The following PARG variants were observed in gnomAD, a reference collection of about 807,000 sequenced individuals.
PARG encodes mitochondrial poly(ADP-ribose) glycohydrolase.
A neutral mutation model predicts 113.0 loss-of-function variants in PARG; 35 were observed. The ratio of observed to expected loss-of-function variants is 0.31; its 90% CI spans 0.24 to 0.41. The LOEUF is 0.41. PARG is among the 10% of genes least tolerant of loss of function. The pLI, the probability that PARG is intolerant of heterozygous loss-of-function variation, is 1.00. For missense variants in PARG, 797 were observed against 1,169.4 expected (o/e 0.68, Z 4.64); for synonymous variants, 330 against 409.9 (o/e 0.81, Z 2.36).
intron 15 of PARG, among the ~76,000 whole-genome samples, chr10:49,840,825 T>C (rs546183234): frequency 1.6e-4 from 24 of 152,320 alleles, no homozygotes; most frequent in Non-Finnish European, 3.2e-4. Flanking sequence ...TGGCACACCA[T>C]GTATAGCCAT....
intron 7 of PARG, among the ~76,000 whole-genome samples, chr10:49,908,763 T>C (rs1360406755): frequency 1.3e-5 from 2 of 152,026 alleles, no homozygotes; most frequent in African/African-American, 2.4e-5. Context: ...TTCAGTGTTA[T>C]CAAAAAACCA....
At chr10:49,821,415 T>G (rs2132340806) in intron 16 of PARG, among the ~76,000 whole-genome samples, 1 of 152,346 alleles carries the variant, frequency 6.6e-6, no homozygotes, top group African/African-American at 2.4e-5. Context: ...AGTCTTGCTC[T>G]GTCACCCAGG....
At position 49,866,828 on chromosome 10, in the gene PARG, C is replaced by A. The variant is rs1310412129; in HGVS notation, c.2069-1447G>T. Among the ~76,000 whole-genome samples the A allele has an allele frequency of 2.6e-5, 4 of 152,172 alleles. No individual in the cohort carries two copies. The South Asian group carries it at 8.3e-4, about 32-fold the overall frequency. On this transcript the variant is annotated intron_variant, in intron 10 of 17. Coordinates refer to ENST00000616448, the MANE Select transcript of PARG (RefSeq NM_003631.5). ...ATCACAATATATACTATATACAGGTCATAAATTTTCAAAAACCTCATCTAT... is the reference window on the plus strand; with the variant it reads ...ATCACAATATATACTATATACAGGTAATAAATTTTCAAAAACCTCATCTAT...
In PARG at chr10:49,932,182, A is replaced by G. The variant is rs1554910005; in HGVS notation, c.1373T>C (p.Ile458Thr). 2.5e-6 allele frequency: 4 copies of G among 1,604,696 alleles called. No individual in the cohort carries two copies. Among genetic ancestry groups the G allele is most frequent in the Non-Finnish European group, 1.7e-6 (2 of 1,171,388 alleles). The change falls in exon 4 of 18, where the codon ATT becomes ACT. Residue 458 changes from isoleucine (I) to threonine (T), a missense_variant. Physicochemically the swap from Ile to Thr is moderately conservative, Grantham distance 89 (BLOSUM62 -1). This residue lies in a region of PARG where 252 missense variants were observed against 437.4 expected (regional missense o/e 0.58). Transcript: ENST00000616448. ...CCGAGGCATTCTTCTCATCTCCTCAATGGGAGTTCCAAGCCACTTCTTATC... is the reference window on the plus strand; with the variant it reads ...CCGAGGCATTCTTCTCATCTCCTCAGTGGGAGTTCCAAGCCACTTCTTATC... The part of the protein sequence containing the change: ...SPDKKWLGTP[I>T]EEMRRMPRCG...
chr10:49,846,746 ATGTGTG>A (rs35901101), intron 13 of PARG, among the ~76,000 whole-genome samples: 13 of 149,272 alleles, frequency 8.7e-5, no homozygotes, highest in East Asian at 4.0e-4. Context: ...ACAGTTGTAT[ATGTGTG>A]TGTGTGTGTG....
At chr10:49,922,191 T>C (rs782349012) in intron 6 of PARG, 145 bp downstream of exon 6, 6 of 751,994 alleles carry the variant, frequency 8.0e-6, no homozygotes, top group Non-Finnish European at 8.6e-6. Flanking sequence ...CCTAGTAGAA[T>C]GTCTCTAAGG....
chr10:49,910,425 T>C (rs1837108559), intron 7 of PARG, among the ~76,000 whole-genome samples: 1 of 152,210 alleles, frequency 6.6e-6, no homozygotes, highest in Non-Finnish European at 1.5e-5. Context: ...TTCTAAAGTC[T>C]AGGTTTTTCA....
intron 16 of PARG, among the ~76,000 whole-genome samples, chr10:49,831,442 G>A (rs1274635249): frequency 6.6e-6 from 1 of 152,078 alleles, no homozygotes; most frequent in African/African-American, 2.4e-5. Context: ...TTTCTGGTGT[G>A]CCATCTTGGG....
At chr10:49,937,610 T>C (rs1838818067) in intron 1 of PARG, among the ~76,000 whole-genome samples, 1 of 152,212 alleles carries the variant, frequency 6.6e-6, no homozygotes, top group Non-Finnish European at 1.5e-5. Flanking sequence ...ACTAGGTTCC[T>C]ATAACACACA....
At chr10:49,904,554 A>G (rs1480502538) in intron 7 of PARG, among the ~76,000 whole-genome samples, 2 of 151,846 alleles carry the variant, frequency 1.3e-5, no homozygotes, top group Non-Finnish European at 2.9e-5. Context: ...GAGGGTGTGC[A>G]TGCCTGGGAG....
intron 6 of PARG, among the ~76,000 whole-genome samples, chr10:49,922,046 CA>C (rs1334808084): frequency 6.6e-6 from 1 of 151,494 alleles, no homozygotes; most frequent in Non-Finnish European, 1.5e-5. Flanking sequence ...AATTTTAAAA[CA>C]AAAAAAAGAA....
intron 16 of PARG, among the ~76,000 whole-genome samples, chr10:49,820,911 C>G (rs1260256999): frequency 1.3e-5 from 2 of 152,084 alleles, no homozygotes; most frequent in African/African-American, 4.8e-5. Context: ...TTCTATTAAT[C>G]TGGAACTAAA....
At chr10:49,833,746 T>A (rs1844781209) in intron 15 of PARG, among the ~76,000 whole-genome samples, 1 of 152,204 alleles carries the variant, frequency 6.6e-6, no homozygotes, top group Admixed American at 6.5e-5. Context: ...TCTGAAGTGA[T>A]CAGACTGTAA....
chr10:49,937,402 G>A (rs1270705790), intron 1 of PARG, among the ~76,000 whole-genome samples: 2 of 151,848 alleles, frequency 1.3e-5, no homozygotes, highest in African/African-American at 4.8e-5. Flanking sequence ...CGTGAACCCG[G>A]GAGGTGGAGC....
Position 49,819,386 on chromosome 10 carries a change from G to C in PARG, c.2885C>G (p.Ser962Cys), listed in dbSNP as rs2132331083. ...TGAATGGTCAGCGGTCTCTGCACAG[G>C]ACTCGACAGCATGGTATATGAATGG... Reference protein sequence around the residue: ...LYPFIYHAVESCAETADHSGQ... With the variant: ...LYPFIYHAVECCAETADHSGQ... The change falls in exon 18 of 18, where the codon TCC becomes TGC. Residue 962 changes from serine to cysteine, a missense_variant. By Grantham distance (112) the Ser-to-Cys change is moderately radical. Coordinates refer to ENST00000616448, the MANE Select transcript of PARG (RefSeq NM_003631.5). The C allele has an allele frequency of 6.4e-7, 1 of 1,551,604 alleles. No individual in the cohort carries two copies. Among genetic ancestry groups the C allele is most frequent in the South Asian group, 1.2e-5 (1 of 84,052 alleles).
At chr10:49,827,650 G>A (rs1554829602) in intron 16 of PARG, among the ~76,000 whole-genome samples, 4 of 152,172 alleles carry the variant, frequency 2.6e-5, no homozygotes, top group African/African-American at 7.2e-5. Flanking sequence ...CAAAGGAAAT[G>A]CTAGGAGAAA....
At position 49,819,505 on chromosome 10, in the gene PARG, A is replaced by T; in HGVS notation, c.2777-11T>A. The T allele has an allele frequency of 6.5e-7, 1 of 1,548,718 alleles. No individual in the cohort carries two copies. Among genetic ancestry groups the T allele is most frequent in the Non-Finnish European group, 8.7e-7 (1 of 1,144,358 alleles). Reference sequence around the variant, plus strand: ...GCTTATACACATCTCCTGGAGAGCAAAAGGTCAGACCAGAGGCACATTAAA... The same window carrying T: ...GCTTATACACATCTCCTGGAGAGCATAAGGTCAGACCAGAGGCACATTAAA... On this transcript the variant is annotated splice_polypyrimidine_tract_variant and intron_variant, in intron 17 of 17. Transcript: ENST00000616448.
intron 11 of PARG, 49 bp downstream of exon 11, chr10:49,865,272 G>A (rs1457362190): frequency 3.0e-6 from 2 of 656,078 alleles, no homozygotes; most frequent in African/African-American, 1.8e-5. Flanking sequence ...TGGTGCAAGA[G>A]TCCTTCTATT....
At chr10:49,920,459 AAAAAATATATATATATATATAT>A (rs1837738715) in intron 6 of PARG, among the ~76,000 whole-genome samples, 1 of 50,612 alleles carries the variant, frequency 2.0e-5, no homozygotes, top group South Asian at 6.6e-4. Context: ...ATTAAAAAAA[AAAAAATATATATATATATATAT>A]ATATATATAT....
Sources: allele counts gnomAD v4.1 joint callset (sites outside exome capture counted in the v4.1 genomes callset), GRCh38; gene constraint gnomAD v4.1.1; regional missense constraint gnomAD v4.1.1; transcripts MANE v1.5; gene names NCBI Gene and HGNC (gene_info 2026-07-23, HGNC 2026-07-21).